SLIT2: variants seen among roughly 807,000 people sequenced by gnomAD.
The protein encoded by SLIT2 is slit homolog 2 protein.
In SLIT2, 41 loss-of-function variants were observed where a neutral mutation model predicts 185.7. The observed-to-expected ratio is 0.22, with a 90% CI of 0.17 to 0.29. SLIT2 has a LOEUF of 0.29. Ranked by LOEUF, SLIT2 falls within the 10% of genes least tolerant of loss-of-function variation. SLIT2 has a pLI of 1.00. For missense variants in SLIT2, 1,571 were observed against 1,909.0 expected (o/e 0.82, Z 3.30); for synonymous variants, 693 against 680.2 (o/e 1.02, Z -0.29).
intron 4 of SLIT2, among the ~76,000 whole-genome samples, chr4:20,452,059 T>C (rs1327444380): frequency 6.6e-6 from 1 of 152,238 alleles, no homozygotes; most frequent in African/African-American, 2.4e-5. Context: ...ATGAGATGTT[T>C]TAATTGCAAA....
intron 4 of SLIT2, among the ~76,000 whole-genome samples, chr4:20,287,958 TTC>T (rs1250630604): frequency 1.3e-5 from 2 of 152,216 alleles, no homozygotes; most frequent in Non-Finnish European, 2.9e-5. Context: ...CAAGTCAAAT[TTC>T]TTTTATTGAA....
At position 20,253,371 on chromosome 4, in the gene SLIT2, C is replaced by T; in HGVS notation, c.-445C>T. The stretch of plus-strand genomic sequence containing the variant: ...TGAGATCCCCTCTTCTGTCTTGTAC[C>T]TTCGCCACTGGCATCGGATTTGCAG... On this transcript the variant is annotated 5_prime_UTR_variant, in exon 1 of 37. Coordinates refer to ENST00000504154, the MANE Select transcript of SLIT2 (RefSeq NM_004787.4). The T allele has an allele frequency of 5.4e-6, 1 of 185,350 alleles. No homozygotes were observed. Among genetic ancestry groups the T allele is most frequent in the South Asian group, 1.2e-4 (1 of 8,342 alleles). The allele number at this position is 185,350 out of a possible 1,614,324, so 11.5% of individuals were successfully genotyped here.
At chr4:20,388,642 C>T (rs571520215) in intron 4 of SLIT2, among the ~76,000 whole-genome samples, 8 of 151,566 alleles carry the variant, frequency 5.3e-5, no homozygotes, top group African/African-American at 1.5e-4. Flanking sequence ...GGCGTGGTGG[C>T]GTGTGCCTGT....
chr4:20,290,846 T>C (rs1715736289), intron 4 of SLIT2, among the ~76,000 whole-genome samples: 1 of 151,982 alleles, frequency 6.6e-6, no homozygotes. Context: ...TCATTTTTCG[T>C]AATAACCTAT....
intron 8 of SLIT2, chr4:20,490,853 G>A (rs765863932): frequency 6.8e-7 from 1 of 1,474,392 alleles, no homozygotes. Flanking sequence ...GGATATTTTT[G>A]TAGTTTAAGA....
At chr4:20,534,064 A>T (rs1722052178) in intron 18 of SLIT2, among the ~76,000 whole-genome samples, 1 of 152,128 alleles carries the variant, frequency 6.6e-6, no homozygotes, top group Non-Finnish European at 1.5e-5. Context: ...TACAAAATAG[A>T]TCATCCTTGT....
chr4:20,467,073 G>GT (rs1714438805), intron 4 of SLIT2, among the ~76,000 whole-genome samples: 2 of 152,098 alleles, frequency 1.3e-5, no homozygotes, highest in Non-Finnish European at 1.5e-5. Flanking sequence ...CCAGCTCAGA[G>GT]TGCTTTGTTC....
At chr4:20,603,150 A>G (rs1411661952) in intron 33 of SLIT2, among the ~76,000 whole-genome samples, 1 of 152,230 alleles carries the variant, frequency 6.6e-6, no homozygotes, top group Non-Finnish European at 1.5e-5. Flanking sequence ...CAATCATAGC[A>G]GAAGGCGAAA....
chr4:20,386,395 TTG>T (rs1724939126), intron 4 of SLIT2, among the ~76,000 whole-genome samples: 1 of 152,192 alleles, frequency 6.6e-6, no homozygotes, highest in South Asian at 2.1e-4. Context: ...CGGGTTGTGT[TTG>T]TGTGACACAA....
chr4:20,518,997 A>G (rs1720571259), intron 11 of SLIT2, among the ~76,000 whole-genome samples: 1 of 152,090 alleles, frequency 6.6e-6, no homozygotes. Flanking sequence ...ATGTCACTGT[A>G]TACTCTTCTA....
At chr4:20,401,669 A>G (rs985512660) in intron 4 of SLIT2, among the ~76,000 whole-genome samples, 18 of 151,902 alleles carry the variant, frequency 1.2e-4, no homozygotes, top group African/African-American at 4.3e-4. Context: ...ACAACTTGAC[A>G]TAATGAAGAG....
At chr4:20,269,369 A>G (rs558380441) in intron 4 of SLIT2, among the ~76,000 whole-genome samples, 2 of 152,028 alleles carry the variant, frequency 1.3e-5, no homozygotes, top group Admixed American at 6.6e-5. Context: ...TGTTTCCTTT[A>G]AAGCCACAAT....
chr4:20,482,678 A>G (rs760483578), intron 6 of SLIT2, among the ~76,000 whole-genome samples: 1 of 152,036 alleles, frequency 6.6e-6, no homozygotes, highest in Non-Finnish European at 1.5e-5. Flanking sequence ...GGACCTTAAT[A>G]TATACATCTT....
At chr4:20,429,293 A>G (rs1479330188) in intron 4 of SLIT2, among the ~76,000 whole-genome samples, 1 of 152,090 alleles carries the variant, frequency 6.6e-6, no homozygotes, top group African/African-American at 2.4e-5. Context: ...GAAGTTTCCT[A>G]TGCAATCCCA....
Position 20,252,126 on chromosome 4 carries a change from C to A in SLIT2, c.-1690C>A, listed in dbSNP as rs1722091627. Among the ~76,000 whole-genome samples the A allele has an allele frequency of 6.6e-6, 1 of 151,844 alleles. No individual in the cohort carries two copies. The highest frequency in any genetic ancestry group is 2.4e-5 in the African/African-American group (1 of 41,284). On this transcript the variant is annotated 5_prime_UTR_variant, in exon 1 of 37. Transcript: ENST00000504154. ...GAGTGCTGAGCAGAAAGGGGAGCGC[C>A]GGGGGCCCGCAGCCGGCTCCGGAGG... is the stretch of plus-strand genomic sequence containing the variant.
At chr4:20,536,043 G>GTTAGT (rs1722248566) in intron 18 of SLIT2, among the ~76,000 whole-genome samples, 2 of 152,154 alleles carry the variant, frequency 1.3e-5, no homozygotes, top group Admixed American at 1.3e-4. Context: ...GTAGGCAATT[G>GTTAGT]TTACTAACAC....
intron 4 of SLIT2, among the ~76,000 whole-genome samples, chr4:20,429,271 A>T (rs985496330): frequency 6.6e-6 from 1 of 152,016 alleles, no homozygotes; most frequent in African/African-American, 2.4e-5. Context: ...TATTTTTTTC[A>T]TATGTTTCAA....
chr4:20,498,348 T>C (rs1177945932), intron 9 of SLIT2, among the ~76,000 whole-genome samples: 1 of 152,216 alleles, frequency 6.6e-6, no homozygotes, highest in Admixed American at 6.5e-5. Flanking sequence ...ACTATGCTAG[T>C]TGAAAACCTT....
At chr4:20,425,200 A>G (rs983897608) in intron 4 of SLIT2, among the ~76,000 whole-genome samples, 2 of 152,094 alleles carry the variant, frequency 1.3e-5, no homozygotes, top group Non-Finnish European at 2.9e-5. Context: ...ATGACTTTGT[A>G]TTTAAACAAT....
Sources: allele counts gnomAD v4.1 joint callset (sites outside exome capture counted in the v4.1 genomes callset), GRCh38; gene constraint gnomAD v4.1.1; transcripts MANE v1.5; gene names NCBI Gene and HGNC (gene_info 2026-07-23, HGNC 2026-07-21).